Variants in SH3D19 observed in about 807,000 individuals in gnomAD.
SH3D19 encodes the protein SH3 domain-containing protein 19.
A neutral mutation model predicts 112.1 loss-of-function variants in SH3D19; 58 were observed. The ratio of observed to expected loss-of-function variants is 0.52; its 90% CI spans 0.42 to 0.64. SH3D19 has a LOEUF of 0.64. SH3D19 is among the 30% of genes least tolerant of loss of function. The pLI is 0.00. For synonymous variants in SH3D19, 391 were observed against 448.5 expected (o/e 0.87, Z 1.62); for missense variants, 1,090 against 1,263.4 (o/e 0.86, Z 2.08).
chr4:151,282,423 G>A (rs867906800), intron 1 of SH3D19: 3 of 1,613,114 alleles, frequency 1.9e-6, no homozygotes, highest in Non-Finnish European at 1.7e-6. Flanking sequence ...GGTGAGAATG[G>A]GCAGAGAGAA....
intron 1 of SH3D19, chr4:151,227,653 T>G: frequency 2.9e-6 from 2 of 698,564 alleles, no homozygotes; most frequent in Non-Finnish European, 3.5e-6. Context: ...ATTCTCCAGT[T>G]TTTAGCCTGC....
intron 1 of SH3D19, among the ~76,000 whole-genome samples, chr4:151,231,354 T>C (rs1469657318): frequency 2.0e-5 from 3 of 152,140 alleles, no homozygotes; most frequent in Admixed American, 6.5e-5. Flanking sequence ...CAAATATATA[T>C]ATATATTTCA....
At chr4:151,131,398 TTTA>T (rs1750659891) in intron 17 of SH3D19, among the ~76,000 whole-genome samples, 2 of 152,130 alleles carry the variant, frequency 1.3e-5, no homozygotes, top group Non-Finnish European at 2.9e-5. Context: ...TTATTGCTGC[TTTA>T]TTATATATTT....
chr4:151,235,008 C>G (rs187307161), intron 1 of SH3D19, among the ~76,000 whole-genome samples: 1 of 152,216 alleles, frequency 6.6e-6, no homozygotes, highest in African/African-American at 2.4e-5. Context: ...CCTCAGCCTC[C>G]CAAACTGCTG....
At chr4:151,221,628 C>G (rs1263714440) in intron 2 of SH3D19, among the ~76,000 whole-genome samples, 1 of 152,178 alleles carries the variant, frequency 6.6e-6, no homozygotes, top group Non-Finnish European at 1.5e-5. Flanking sequence ...TTCCCTTTCT[C>G]TCCTCAAAAT....
intron 12 of SH3D19, among the ~76,000 whole-genome samples, chr4:151,141,416 G>A (rs537321875): frequency 3.3e-5 from 5 of 152,232 alleles, no homozygotes; most frequent in South Asian, 4.1e-4. Context: ...GTGAGCCACC[G>A]TGCCCAGCCT....
chr4:151,283,022 G>C (rs1276352251), intron 1 of SH3D19: 5 of 1,108,054 alleles, frequency 4.5e-6, no homozygotes, highest in Non-Finnish European at 6.5e-6. Flanking sequence ...GCTGCTTTTG[G>C]ATTCCCATTC....
intron 1 of SH3D19, among the ~76,000 whole-genome samples, chr4:151,233,070 C>A (rs1171094641): frequency 2.0e-5 from 3 of 151,868 alleles, no homozygotes; most frequent in African/African-American, 4.8e-5. Flanking sequence ...GAGCTTGAAC[C>A]CTATTGTGAA....
intron 12 of SH3D19, among the ~76,000 whole-genome samples, chr4:151,141,829 A>C (rs1281904698): frequency 6.6e-6 from 1 of 152,242 alleles, no homozygotes; most frequent in African/African-American, 2.4e-5. Flanking sequence ...AAACACAAAC[A>C]TGAAATCTCC....
chr4:151,301,479 A>G (rs113119211), intron 1 of SH3D19, among the ~76,000 whole-genome samples: 28 of 152,134 alleles, frequency 1.8e-4, no homozygotes, highest in Non-Finnish European at 3.5e-4. Context: ...CGCCCGCCTC[A>G]GCCTCCCAAA....
intron 1 of SH3D19, among the ~76,000 whole-genome samples, chr4:151,250,512 AAG>A (rs140133617): frequency 7.6e-6 from 1 of 131,272 alleles, no homozygotes; most frequent in Admixed American, 7.3e-5. Context: ...CAAGACAAGA[AAG>A]AGAGAGAGAG....
chr4:151,248,534 T>C (rs890779844), intron 1 of SH3D19, among the ~76,000 whole-genome samples: 2 of 152,222 alleles, frequency 1.3e-5, no homozygotes, highest in African/African-American at 4.8e-5. Flanking sequence ...AAACTTAATT[T>C]AACAAGAAAA....
chr4:151,274,806 A>T (rs1208732222), intron 1 of SH3D19, among the ~76,000 whole-genome samples: 1 of 152,178 alleles, frequency 6.6e-6, no homozygotes. Context: ...TTATTTCCTC[A>T]CAGTTCTGGA....
At chr4:151,320,976 G>C (rs1176925352) in intron 1 of SH3D19, among the ~76,000 whole-genome samples, 1 of 152,180 alleles carries the variant, frequency 6.6e-6, no homozygotes, top group East Asian at 1.9e-4. Context: ...GGGAGGCAGA[G>C]GTTGCAGTGT....
chr4:151,149,384 AG>A, intron 10 of SH3D19, 115 bp downstream of exon 10: 1 of 773,402 alleles, frequency 1.3e-6, no homozygotes, highest in South Asian at 1.8e-5. Flanking sequence ...GAAATCGGTG[AG>A]ATTATTTTAT....
At chr4:151,224,967 A>C (rs1293148702) in intron 2 of SH3D19, among the ~76,000 whole-genome samples, 3 of 152,224 alleles carry the variant, frequency 2.0e-5, no homozygotes, top group Non-Finnish European at 4.4e-5. Context: ...AAAAAGAATG[A>C]ATTTTAACAT....
intron 1 of SH3D19, among the ~76,000 whole-genome samples, chr4:151,289,738 C>T (rs1775143209): frequency 6.6e-6 from 1 of 152,072 alleles, no homozygotes. Context: ...CCCAGAAATT[C>T]CACTCCTAGG....
At chr4:151,264,199 G>A (rs1285236879) in intron 1 of SH3D19, among the ~76,000 whole-genome samples, 1 of 152,098 alleles carries the variant, frequency 6.6e-6, no homozygotes, top group African/African-American at 2.4e-5. Flanking sequence ...GGGAGGCTGA[G>A]GTGGGCAGAT....
intron 2 of SH3D19, among the ~76,000 whole-genome samples, chr4:151,192,507 GAC>G (rs1282420662): frequency 6.6e-6 from 1 of 152,046 alleles, no homozygotes; most frequent in Non-Finnish European, 1.5e-5. Context: ...AAATTTTTGG[GAC>G]TATCCTGCCA....
Sources: allele counts gnomAD v4.1 joint callset (sites outside exome capture counted in the v4.1 genomes callset), GRCh38; gene constraint gnomAD v4.1.1; transcripts MANE v1.5; gene names NCBI Gene and HGNC (gene_info 2026-07-23, HGNC 2026-07-21).